The following PRIMPOL variants were observed in gnomAD, a reference collection of about 807,000 sequenced individuals.
PRIMPOL encodes the protein primase and DNA directed polymerase.
Under a neutral mutation model 63.6 loss-of-function variants are expected in PRIMPOL, and 54 were observed. The observed-to-expected ratio is 0.85, with a 90% CI of 0.68 to 1.07. PRIMPOL has a LOEUF of 1.07. Among genes scored for constraint, PRIMPOL ranks in the 50% least tolerant of loss-of-function variants. PRIMPOL has a pLI of 0.00. For synonymous variants in PRIMPOL, 197 were observed against 220.2 expected, an observed-to-expected ratio of 0.89 and a Z score of 0.93; for missense variants, 610 against 648.3, an observed-to-expected ratio of 0.94 and a Z score of 0.64.
intron 9 of PRIMPOL, among the ~76,000 whole-genome samples, chr4:184,684,818 A>G (rs570469896): frequency 2.6e-5 from 4 of 152,280 alleles, no homozygotes; most frequent in African/African-American, 7.2e-5. Context: ...ACTGAAAGGA[A>G]ATCAGAATAG....
intron 2 of PRIMPOL, among the ~76,000 whole-genome samples, chr4:184,656,596 A>G (rs565745054): frequency 6.5e-4 from 99 of 152,306 alleles, no homozygotes; most frequent in African/African-American, 2.3e-3. Context: ...AACAGAGGAA[A>G]AGGGAACTAA....
In PRIMPOL at chr4:184,691,693, T is replaced by C. The variant is rs762073570; in HGVS notation, c.1406T>C (p.Leu469Pro). Residue 469 changes from leucine to proline, a missense_variant, in exon 13 of 14, where the codon CTC becomes CCC. Leu to Pro is a moderately conservative substitution (Grantham distance 98). Around this residue, in one of 3 missense-constraint regions of PRIMPOL, gnomAD observed 444 missense variants for 456.4 expected, o/e 0.97. Coordinates refer to ENST00000314970, the MANE Select transcript of PRIMPOL (RefSeq NM_152683.4). ...DCFPLPAEVC[L>P]LFLFKEEEEF... ...TTCCCATTACCTGCTGAAGTATGTC[T>C]CCTGTTTCTTTTCAAAGAGGTAAGT... 6.2e-7 allele frequency: 1 copy of C among 1,612,452 alleles called. No individual in the cohort carries two copies. Among genetic ancestry groups the C allele is most frequent in the South Asian group, 1.1e-5 (1 of 91,034 alleles).
At chr4:184,666,199 T>C in intron 6 of PRIMPOL, 135 bp downstream of exon 6, 1 of 642,598 alleles carries the variant, frequency 1.6e-6, no homozygotes, top group Non-Finnish European at 2.5e-6. Context: ...GTAGGCTGAG[T>C]GCAGTGGCTC....
At chr4:184,687,231 C>T (rs1055060649) in intron 11 of PRIMPOL, among the ~76,000 whole-genome samples, 23 of 152,054 alleles carry the variant, frequency 1.5e-4, no homozygotes, top group African/African-American at 4.6e-4. Flanking sequence ...CTACCATGCC[C>T]GGTTAATTTT....
Position 184,682,239 on chromosome 4 carries a change from C to CTTCT in PRIMPOL, c.1008-7_1008-4dup. Reference sequence around the variant, plus strand: ...GGTGCTTTGTTTCTTTTACCTATTTCTTCTTCAGGTTCTCAGATACTTTAC... The same window carrying CTTCT: ...GGTGCTTTGTTTCTTTTACCTATTTCTTCTTTCTTCAGGTTCTCAGATACTTTAC... On this transcript the variant is annotated splice_polypyrimidine_tract_variant and intron_variant, in intron 8 of 13. Transcript: ENST00000314970. The CTTCT allele has an allele frequency of 6.6e-7, 1 of 1,509,216 alleles. No homozygotes were observed. Among genetic ancestry groups the CTTCT allele is most frequent in the Non-Finnish European group, 9.2e-7 (1 of 1,088,430 alleles). 93.5% of individuals were successfully genotyped at this position (1,509,216 alleles called of 1,614,324 possible). A position where few individuals can be genotyped will look rare whatever the true frequency, so the allele number is the denominator to read the frequency against.
intron 4 of PRIMPOL, among the ~76,000 whole-genome samples, chr4:184,660,916 A>G (rs1013806834): frequency 2.0e-5 from 3 of 152,218 alleles, no homozygotes; most frequent in South Asian, 2.1e-4. Flanking sequence ...ATCTCTCCCT[A>G]TTTAACCCAT....
At position 184,691,697 on chromosome 4, in the gene PRIMPOL, G is replaced by A. The variant is rs1758583071; in HGVS notation, c.1410G>A (p.Leu470=). The A allele has an allele frequency of 6.2e-7, 1 of 1,611,934 alleles. No individual in the cohort carries two copies. The highest frequency in any genetic ancestry group is 1.3e-5 in the African/African-American group (1 of 74,760). ...CFPLPAEVCL[L]FLFKEEEEFT... The stretch of plus-strand genomic sequence containing the variant: ...CATTACCTGCTGAAGTATGTCTCCT[G>A]TTTCTTTTCAAAGAGGTAAGTACAG... Residue 470 remains leucine (L), a synonymous_variant, in exon 13 of 14, where the codon CTG becomes CTA. Transcript: ENST00000314970.
chr4:184,666,516 T>C (rs1749927474), intron 6 of PRIMPOL, among the ~76,000 whole-genome samples: 1 of 152,196 alleles, frequency 6.6e-6, no homozygotes, highest in Admixed American at 6.5e-5. Flanking sequence ...TCCCTTAGCT[T>C]TGGACCTGTC....
At chr4:184,692,656 TCA>T (rs1491023587) in intron 13 of PRIMPOL, among the ~76,000 whole-genome samples, 2 of 152,046 alleles carry the variant, frequency 1.3e-5, no homozygotes, top group African/African-American at 2.4e-5. Flanking sequence ...ACATACTATT[TCA>T]GTTTTTTTTC....
intron 7 of PRIMPOL, among the ~76,000 whole-genome samples, chr4:184,675,725 G>A (rs1368773337): frequency 1.3e-5 from 2 of 152,128 alleles, no homozygotes; most frequent in African/African-American, 4.8e-5. Context: ...GCTGAGACAT[G>A]AGAATCACTT....
chr4:184,694,125 C>T (rs1045591787), intron 13 of PRIMPOL: 8 of 650,600 alleles, frequency 1.2e-5, no homozygotes, highest in East Asian at 1.4e-4. Flanking sequence ...TCCATGTTTA[C>T]GATTTGCTAA....
intron 2 of PRIMPOL, among the ~76,000 whole-genome samples, chr4:184,655,001 A>G (rs1002411433): frequency 1.3e-5 from 2 of 150,476 alleles, no homozygotes; most frequent in East Asian, 1.9e-4. Flanking sequence ...ATGATGTACT[A>G]TCCCTTTTTT....
chr4:184,675,164 C>T (rs1428173823), intron 7 of PRIMPOL, among the ~76,000 whole-genome samples: 3 of 152,112 alleles, frequency 2.0e-5, no homozygotes, highest in African/African-American at 4.8e-5. Context: ...CAAGAGGAGG[C>T]GGCTAAGAAC....
chr4:184,672,227 A>T lies in PRIMPOL; in HGVS notation c.611A>T (p.Asp204Val). Residue 204 changes from aspartate (D) to valine (V), a missense_variant, in exon 7 of 14, where the codon GAT (aspartate) becomes GTT (valine). Coordinates refer to ENST00000314970, the MANE Select transcript of PRIMPOL (RefSeq NM_152683.4). ...QPALDLLGSE[D>V]DDSAPETTGH... Reference sequence around the variant, plus strand: ...GCTCTTGACTTGCTTGGCAGTGAAGATGATGATAGCGCTCCAGAGACAACA... The same window carrying T: ...GCTCTTGACTTGCTTGGCAGTGAAGTTGATGATAGCGCTCCAGAGACAACA... 6.2e-7 allele frequency: 1 copy of T among 1,613,876 alleles called. No individual in the cohort carries two copies. Among genetic ancestry groups the T allele is most frequent in the Non-Finnish European group, 8.5e-7 (1 of 1,179,980 alleles).
intron 1 of PRIMPOL, among the ~76,000 whole-genome samples, chr4:184,651,062 G>A (rs1744227335): frequency 6.6e-6 from 1 of 152,170 alleles, no homozygotes. Flanking sequence ...GGCCGAGGCA[G>A]GTGGATCACG....
chr4:184,661,620 C>T (rs1349363403), intron 4 of PRIMPOL, among the ~76,000 whole-genome samples, 154 bp from the exon 5 acceptor site: 1 of 152,104 alleles, frequency 6.6e-6, no homozygotes, highest in Non-Finnish European at 1.5e-5. Flanking sequence ...GCAGGAGAAT[C>T]GCTTGAACCC....
intron 1 of PRIMPOL, among the ~76,000 whole-genome samples, chr4:184,650,596 A>G (rs957892451): frequency 5.3e-5 from 8 of 152,372 alleles, no homozygotes; most frequent in South Asian, 4.1e-4. Context: ...GGTTACGTCA[A>G]TGGTGTGCTA....
intron 6 of PRIMPOL, among the ~76,000 whole-genome samples, chr4:184,667,523 G>A (rs535535365): frequency 4.6e-5 from 7 of 152,300 alleles, no homozygotes; most frequent in South Asian, 2.1e-4. Flanking sequence ...GGTTAGCCAG[G>A]ATGGTCTTGA....
chr4:184,678,483 C>T, intron 8 of PRIMPOL, 89 bp downstream of exon 8: 4 of 785,862 alleles, frequency 5.1e-6, no homozygotes, highest in South Asian at 1.8e-5. Flanking sequence ...TGTAAATCAT[C>T]TAAATTCATT....
Sources: gnomAD v4.1 joint callset for allele counts (sites outside exome capture counted in the v4.1 genomes callset) on GRCh38, gnomAD v4.1.1 for gene constraint, gnomAD v4.1.1 regional missense constraint, MANE v1.5 for transcripts, NCBI Gene and HGNC (gene_info 2026-07-23, HGNC 2026-07-21) for gene names.